The following SLC16A7 variants were observed in gnomAD, a reference collection of about 807,000 sequenced individuals.
SLC16A7 encodes the protein monocarboxylate transporter 2.
A neutral mutation model predicts 34.9 loss-of-function variants in SLC16A7; 33 were observed. The observed-to-expected ratio is 0.94, with a 90% CI of 0.72 to 1.26. SLC16A7 has a LOEUF of 1.26. Ranked by LOEUF, SLC16A7 falls within the 50% of genes most tolerant of loss-of-function variation. The probability of loss-of-function intolerance (pLI) is 0.00; values close to 1 mark genes in which losing one functional copy is unlikely to be tolerated. For synonymous variants in SLC16A7, 201 were observed against 206.6 expected (o/e 0.97, Z 0.23); for missense variants, 573 against 578.1 (o/e 0.99, Z 0.09).
intron 1 of SLC16A7, among the ~76,000 whole-genome samples, chr12:59,622,567 T>C (rs1326304407): frequency 1.3e-5 from 2 of 151,914 alleles, no homozygotes; most frequent in African/African-American, 4.8e-5. Flanking sequence ...GATTATGAAT[T>C]AGCTAAACTT....
Position 59,606,839 on chromosome 12 carries a change from T to A in SLC16A7, c.-130+10603T>A, listed in dbSNP as rs1497471. 8.6e-4 allele frequency among the ~76,000 whole-genome samples: 131 copies of A among 151,572 alleles called. 3 individuals carry two copies. The highest frequency in any genetic ancestry group is 7.6e-3 in the Admixed American group (116 of 15,212). On this transcript the variant is annotated intron_variant, in intron 1 of 5. Transcript: ENST00000547379. ...GATATTGTGTGTGTGTGTACGTGTG[T>A]GTATGTGTGAATATATATATATGTG...
chr12:59,695,230 A>G (rs1872144400), intron 2 of SLC16A7, among the ~76,000 whole-genome samples: 1 of 151,998 alleles, frequency 6.6e-6, no homozygotes, highest in African/African-American at 2.4e-5. Context: ...CCTTGAAGCC[A>G]GGGAAGTTCT....
rs569949491 is a variant in SLC16A7 at position 59,782,312 on chromosome 12, C to T, written c.*2633C>T. The T allele has an allele frequency of 6.6e-6, 1 of 152,294 alleles. No homozygotes were observed. The highest frequency in any genetic ancestry group is 2.1e-4 in the South Asian group (1 of 4,828). The allele number at this position is 152,294 out of a possible 1,614,324, so 9.4% of individuals were successfully genotyped here. ...ATTCTACTTGTTCACTCTCCCCACC[C>T]TCTTGAACTTGTTAGAAGATTTGCT... On this transcript the variant is annotated 3_prime_UTR_variant, in exon 6 of 6. Transcript: ENST00000547379.
At chr12:59,702,009 C>T (rs1191437016) in intron 2 of SLC16A7, among the ~76,000 whole-genome samples, 1 of 151,812 alleles carries the variant, frequency 6.6e-6, no homozygotes, top group Non-Finnish European at 1.5e-5. Context: ...TTTTTACACG[C>T]TGATTATACA....
chr12:59,755,966 A>G (rs1296627817), intron 3 of SLC16A7, among the ~76,000 whole-genome samples: 2 of 152,204 alleles, frequency 1.3e-5, no homozygotes, highest in African/African-American at 2.4e-5. Context: ...ATCTACAACT[A>G]TCTGATCTTG....
intron 3 of SLC16A7, among the ~76,000 whole-genome samples, chr12:59,752,943 C>T (rs1879774302): frequency 6.6e-6 from 1 of 152,118 alleles, no homozygotes; most frequent in South Asian, 2.1e-4. Context: ...AGAGTGGAGG[C>T]CAATATTCAA....
chr12:59,618,594 C>G (rs17122706), intron 1 of SLC16A7, among the ~76,000 whole-genome samples: 1 of 135,112 alleles, frequency 7.4e-6, no homozygotes, highest in African/African-American at 2.5e-5. Context: ...GAAACTAATT[C>G]TTGTAAAGTA....
chr12:59,703,765 C>T (rs980182366), intron 2 of SLC16A7, among the ~76,000 whole-genome samples: 1 of 152,036 alleles, frequency 6.6e-6, no homozygotes, highest in African/African-American at 2.4e-5. Context: ...GAATAGATTT[C>T]AGGTGTTCTG....
At chr12:59,606,050 A>G (rs1439707356) in intron 1 of SLC16A7, among the ~76,000 whole-genome samples, 1 of 152,182 alleles carries the variant, frequency 6.6e-6, no homozygotes, top group Non-Finnish European at 1.5e-5. Context: ...TTTGGCATAT[A>G]TTGAGGCAGA....
At chr12:59,612,875 T>C (rs945027397) in intron 1 of SLC16A7, among the ~76,000 whole-genome samples, 3 of 152,214 alleles carry the variant, frequency 2.0e-5, no homozygotes, top group African/African-American at 7.2e-5. Context: ...AGTATTTTGG[T>C]CAAGGCCATT....
intron 1 of SLC16A7, among the ~76,000 whole-genome samples, chr12:59,617,012 A>ATAAT (rs375983909): frequency 7.9e-5 from 12 of 152,226 alleles, no homozygotes; most frequent in African/African-American, 2.9e-4. Context: ...ACAGTATAAC[A>ATAAT]TAATCTAGAT....
At chr12:59,757,318 G>A (rs61933836) in intron 3 of SLC16A7, among the ~76,000 whole-genome samples, 1 of 151,632 alleles carries the variant, frequency 6.6e-6, no homozygotes, top group Non-Finnish European at 1.5e-5. Flanking sequence ...CGGGTTGATG[G>A]GTGCAGCAAA....
chr12:59,643,914 C>A (rs1042856341), intron 1 of SLC16A7, among the ~76,000 whole-genome samples: 2 of 152,100 alleles, frequency 1.3e-5, no homozygotes, highest in Non-Finnish European at 2.9e-5. Context: ...ACTATTTCAT[C>A]AATGACCTAC....
intron 3 of SLC16A7, among the ~76,000 whole-genome samples, chr12:59,761,836 G>C (rs1022610311): frequency 2.6e-5 from 4 of 151,972 alleles, no homozygotes; most frequent in African/African-American, 9.7e-5. Flanking sequence ...TTGGTTTCAA[G>C]GCTTTAAACA....
intron 3 of SLC16A7, among the ~76,000 whole-genome samples, chr12:59,767,224 C>A (rs1881752638): frequency 6.6e-6 from 1 of 151,402 alleles, no homozygotes; most frequent in Non-Finnish European, 1.5e-5. Flanking sequence ...AGGAAAGAAG[C>A]CATCTTGCTA....
chr12:59,775,616 A>C, intron 5 of SLC16A7, 141 bp downstream of exon 5: 1 of 641,746 alleles, frequency 1.6e-6, no homozygotes. Context: ...TTTAGGTTTT[A>C]TTATAAACTT....
At position 59,666,157 on chromosome 12, in the gene SLC16A7, A is replaced by C. The variant is rs184930574; in HGVS notation, c.-31+10907A>C. 4.7e-3 allele frequency among the ~76,000 whole-genome samples: 709 copies of C among 152,238 alleles called. 4 individuals are homozygous for C. Among genetic ancestry groups the C allele is most frequent in the Middle Eastern group, 0.024 (7 of 294 alleles). ...AACAACAGTTATTGGGAGTGCTAAA[A>C]CTAAAATCAAACTCTCTGTTTACTT... is the stretch of plus-strand genomic sequence containing the variant. On this transcript the variant is annotated intron_variant, in intron 2 of 5. Coordinates refer to ENST00000547379, the MANE Select transcript of SLC16A7 (RefSeq NM_001270623.2).
At chr12:59,776,601 A>G (rs987219959) in intron 5 of SLC16A7, among the ~76,000 whole-genome samples, 1 of 152,170 alleles carries the variant, frequency 6.6e-6, no homozygotes, top group Non-Finnish European at 1.5e-5. Flanking sequence ...TGTTTTCTAC[A>G]TGACATCAAG....
chr12:59,730,155 T>A (rs747334495), intron 3 of SLC16A7, among the ~76,000 whole-genome samples: 1 of 151,896 alleles, frequency 6.6e-6, no homozygotes, highest in Non-Finnish European at 1.5e-5. Context: ...CCACATCAGT[T>A]ATTGCTAACA....
Sources: allele counts gnomAD v4.1 joint callset (sites outside exome capture counted in the v4.1 genomes callset), GRCh38; gene constraint gnomAD v4.1.1; transcripts MANE v1.5; gene names NCBI Gene and HGNC (gene_info 2026-07-23, HGNC 2026-07-21).